LAMC1: variants seen among roughly 807,000 people sequenced by gnomAD.
LAMC1 encodes laminin subunit gamma-1.
A neutral mutation model predicts 173.6 loss-of-function variants in LAMC1; 38 were observed. That is an observed-to-expected ratio of 0.22 (90% CI 0.17 to 0.29). The LOEUF (loss-of-function observed/expected upper bound fraction) is 0.29. LAMC1 is among the 10% of genes least tolerant of loss of function. The probability of loss-of-function intolerance (pLI) is 1.00; values close to 1 mark genes in which losing one functional copy is unlikely to be tolerated. For missense variants in LAMC1, 1,824 were observed against 2,051.8 expected (o/e 0.89, Z 2.14); for synonymous variants, 746 against 749.1 (o/e 1.00, Z 0.07).
intron 1 of LAMC1, among the ~76,000 whole-genome samples, 159 bp from the exon 2 acceptor site, chr1:183,103,169 A>C (rs969853156): frequency 3.3e-5 from 5 of 152,078 alleles, no homozygotes; most frequent in Admixed American, 3.3e-4. Context: ...ATTTTGGGGG[A>C]AAATACGTAG....
rs1317718905 is a variant in LAMC1 at position 183,089,729 on chromosome 1, C to T, written c.419-13599C>T. Among the ~76,000 whole-genome samples, 10 of 152,258 alleles carry T rather than the reference C, an allele frequency of 6.6e-5. No individual in the cohort carries two copies. The East Asian group carries it at 1.5e-3, about 23-fold the overall frequency. ...CTGATTGAAAGTTATGATTCTTTGT[C>T]GTGGCAGATTATCAAATGTTCTAAA... On this transcript the variant is annotated intron_variant, in intron 1 of 27. Coordinates refer to ENST00000258341, the MANE Select transcript of LAMC1 (RefSeq NM_002293.4).
rs1186173869 is a variant in LAMC1 at position 183,052,051 on chromosome 1, TA to T, written c.418+27924del. On this transcript the variant is annotated intron_variant, in intron 1 of 27. Transcript: ENST00000258341. ...CATTGGTTTCTGCTTGTTCATCTGA[TA>T]AAAAAATCATTCCTTTTGTTACCTG... Among the ~76,000 whole-genome samples, 13 of 152,304 alleles carry T rather than the reference TA, an allele frequency of 8.5e-5. No homozygotes were observed. In the East Asian group the frequency reaches 1.9e-3, roughly 23 times the overall value.
intron 1 of LAMC1, among the ~76,000 whole-genome samples, chr1:183,068,260 G>A (rs1053333981): frequency 1.3e-5 from 2 of 151,832 alleles, no homozygotes; most frequent in African/African-American, 4.9e-5. Context: ...GTATGTGTGT[G>A]TGTAAAGAAT....
intron 1 of LAMC1, among the ~76,000 whole-genome samples, chr1:183,046,580 A>G (rs531126831): frequency 3.3e-5 from 5 of 152,104 alleles, no homozygotes; most frequent in African/African-American, 1.2e-4. Flanking sequence ...TATTGCTATT[A>G]TAATTTTTTC....
At chr1:183,036,150 G>A (rs1447879694) in intron 1 of LAMC1, among the ~76,000 whole-genome samples, 7 of 147,766 alleles carry the variant, frequency 4.7e-5, no homozygotes, top group African/African-American at 1.8e-4. Context: ...CCAGGCTGGA[G>A]TACAATGGCG....
intron 1 of LAMC1, among the ~76,000 whole-genome samples, chr1:183,042,375 C>T (rs752263313): frequency 1.3e-5 from 2 of 152,168 alleles, no homozygotes; most frequent in Non-Finnish European, 2.9e-5. Flanking sequence ...AGTGTATTAT[C>T]TGCCACCAGA....
At chr1:183,129,858 T>A (rs1656734352) in intron 18 of LAMC1, among the ~76,000 whole-genome samples, 1 of 152,036 alleles carries the variant, frequency 6.6e-6, no homozygotes, top group African/African-American at 2.4e-5. Flanking sequence ...GGCAAAAGAG[T>A]CTATTTAGTT....
At chr1:183,124,947 T>C in intron 14 of LAMC1, 71 bp downstream of exon 14, 1 of 1,552,428 alleles carries the variant, frequency 6.4e-7, no homozygotes, top group Non-Finnish European at 8.8e-7. Flanking sequence ...GTGTGTCTCT[T>C]AAAATATGTA....
At chr1:183,121,984 T>G in intron 12 of LAMC1, 40 bp downstream of exon 12, 1 of 1,609,102 alleles carries the variant, frequency 6.2e-7, no homozygotes, top group Admixed American at 1.7e-5. Flanking sequence ...TAACTTCTCT[T>G]TAGCAATTGT....
intron 1 of LAMC1, among the ~76,000 whole-genome samples, chr1:183,062,967 A>T (rs985044358): frequency 2.0e-5 from 3 of 151,506 alleles, no homozygotes; most frequent in Non-Finnish European, 4.4e-5. Flanking sequence ...AAATAATAAT[A>T]AAAAAAAGTA....
chr1:183,138,153 A>G lies in LAMC1; in HGVS notation c.4473+326A>G, dbSNP rs566487403. 678 of 801,474 alleles carry G rather than the reference A, an allele frequency of 8.5e-4. 12 individuals carry two copies. The South Asian group carries it at 0.035, about 42-fold the overall frequency. 49.6% of individuals were successfully genotyped at this position (801,474 alleles called of 1,614,324 possible). ...TAAATGTTAATAAAAAAGGAATGCA[A>G]TGAAGTTAATTTTCTTCTTATTCTT... On this transcript the variant is annotated intron_variant, in intron 26 of 27. Transcript: ENST00000258341.
chr1:183,046,000 C>T (rs1003144227), intron 1 of LAMC1, among the ~76,000 whole-genome samples: 3 of 151,804 alleles, frequency 2.0e-5, no homozygotes, highest in African/African-American at 7.3e-5. Flanking sequence ...TATACTAATC[C>T]TTTGTCAGTT....
intron 1 of LAMC1, among the ~76,000 whole-genome samples, chr1:183,064,872 C>G (rs1186367290): frequency 1.3e-5 from 2 of 152,148 alleles, no homozygotes; most frequent in Non-Finnish European, 2.9e-5. Flanking sequence ...ATCCCAGCAG[C>G]TCAGGAACCA....
chr1:183,066,898 A>C (rs1366606976), intron 1 of LAMC1, among the ~76,000 whole-genome samples: 1 of 152,160 alleles, frequency 6.6e-6, no homozygotes, highest in Non-Finnish European at 1.5e-5. Context: ...ACCACCATGC[A>C]CATGTTGTGT....
chr1:183,068,234 GTT>G (rs561703501), intron 1 of LAMC1, among the ~76,000 whole-genome samples: 3 of 150,762 alleles, frequency 2.0e-5, no homozygotes, highest in Admixed American at 1.3e-4. Flanking sequence ...ATTTTGTATT[GTT>G]TTTTTTTGTG....
intron 2 of LAMC1, 44 bp from the exon 3 acceptor site, chr1:183,108,232 T>G (rs774652418): frequency 5.0e-6 from 8 of 1,585,724 alleles, no homozygotes; most frequent in Middle Eastern, 3.3e-4. Flanking sequence ...TCATTTTCAG[T>G]CCCTCCACTT....
chr1:183,044,009 G>C (rs1471151836), intron 1 of LAMC1, among the ~76,000 whole-genome samples: 1 of 151,852 alleles, frequency 6.6e-6, no homozygotes, highest in Non-Finnish European at 1.5e-5. Flanking sequence ...CTAACTTTCT[G>C]TCCAGTTTTT....
rs564493397 is a variant in LAMC1, at chr1:183,061,792, A to G, written c.418+37658A>G. On this transcript the variant is annotated intron_variant, in intron 1 of 27. Transcript: ENST00000258341. ...ATGTAAGGCCATATAAGAAGAGAATAACTAATGAGTGCCTATTCTGTCCAG... is the reference window on the plus strand; with the variant it reads ...ATGTAAGGCCATATAAGAAGAGAATGACTAATGAGTGCCTATTCTGTCCAG... Among the ~76,000 whole-genome samples the G allele has an allele frequency of 6.8e-4, 104 of 152,368 alleles. 1 individual carries two copies. Among genetic ancestry groups the G allele is most frequent in the African/African-American group, 2.4e-3 (100 of 41,584 alleles).
At chr1:183,096,409 T>C (rs1571436925) in intron 1 of LAMC1, 1 of 152,230 alleles carries the variant, frequency 6.6e-6, no homozygotes, top group South Asian at 2.1e-4. Context: ...TAAAATGATA[T>C]CTTCTATTTT....
Sources: gnomAD v4.1 joint callset for allele counts (sites outside exome capture counted in the v4.1 genomes callset) on GRCh38, gnomAD v4.1.1 for gene constraint, MANE v1.5 for transcripts, NCBI Gene and HGNC (gene_info 2026-07-23, HGNC 2026-07-21) for gene names.